CYYR1: variants seen among roughly 807,000 people sequenced by gnomAD.
CYYR1 encodes the protein cysteine and tyrosine-rich protein 1.
Under a neutral mutation model 15.2 loss-of-function variants are expected in CYYR1, and 14 were observed. That is an observed-to-expected ratio of 0.92 (90% confidence interval 0.61 to 1.44). The LOEUF is 1.44. Among genes scored for constraint, CYYR1 ranks in the 40% most tolerant of loss-of-function variants. The pLI is 0.00. For synonymous variants in CYYR1, 80 were observed against 77.4 expected (o/e 1.03, Z -0.18); for missense variants, 228 against 209.5 (o/e 1.09, Z -0.54).
intron 2 of CYYR1, among the ~76,000 whole-genome samples, chr21:26,503,952 T>C (rs2065517286): frequency 6.6e-6 from 1 of 152,182 alleles, no homozygotes; most frequent in African/African-American, 2.4e-5. Context: ...TTACGTATAT[T>C]TTGAACTCTA....
At chr21:26,468,706 G>T in intron 3 of CYYR1, 72 bp from the exon 4 acceptor site, 1 of 1,182,462 alleles carries the variant, frequency 8.5e-7, no homozygotes. Context: ...GAAGCCACTG[G>T]GCTAGATACT....
At chr21:26,499,873 G>A (rs2065456822) in intron 2 of CYYR1, among the ~76,000 whole-genome samples, 1 of 150,932 alleles carries the variant, frequency 6.6e-6, no homozygotes, top group African/African-American at 2.4e-5. Flanking sequence ...GTCTATGGTA[G>A]TGCAGGGAGA....
Position 26,553,372 on chromosome 21 carries a change from A to C in CYYR1, c.176+12894T>G, listed in dbSNP as rs551405318. ...CCTCAGCTTCTTAGATCTGTAATTT[A>C]TTTCTTTCACCAAACTTGGGATTTT... On this transcript the variant is annotated intron_variant, in intron 2 of 3. Coordinates refer to ENST00000652641, the MANE Select transcript of CYYR1 (RefSeq NM_001320768.2). Among the ~76,000 whole-genome samples, 5 of 152,048 alleles carry C rather than the reference A, an allele frequency of 3.3e-5. No individual in the cohort carries two copies. The East Asian group carries it at 5.8e-4, about 18-fold the overall frequency.
chr21:26,549,512 T>G (rs1484850320), intron 2 of CYYR1, among the ~76,000 whole-genome samples: 4 of 152,190 alleles, frequency 2.6e-5, no homozygotes, highest in Non-Finnish European at 1.5e-5. Flanking sequence ...ATCACAAAAT[T>G]TAATGATCAA....
At chr21:26,470,369 G>C (rs1267888915) in intron 3 of CYYR1, among the ~76,000 whole-genome samples, 2 of 152,094 alleles carry the variant, frequency 1.3e-5, no homozygotes, top group East Asian at 3.9e-4. Flanking sequence ...ATATGGTTTG[G>C]CTCTGTGTCC....
intron 2 of CYYR1, among the ~76,000 whole-genome samples, chr21:26,546,541 TG>T (rs1297096983): frequency 6.6e-6 from 1 of 152,218 alleles, no homozygotes; most frequent in Non-Finnish European, 1.5e-5. Flanking sequence ...TTATGACCTA[TG>T]TACTAAATGC....
At chr21:26,516,835 G>A (rs1340614848) in intron 2 of CYYR1, among the ~76,000 whole-genome samples, 1 of 152,034 alleles carries the variant, frequency 6.6e-6, no homozygotes, top group African/African-American at 2.4e-5. Context: ...TTCACTGGGG[G>A]CCGGGCGCGG....
At chr21:26,496,015 C>T (rs1360959592) in intron 2 of CYYR1, among the ~76,000 whole-genome samples, 1 of 152,114 alleles carries the variant, frequency 6.6e-6, no homozygotes, top group African/African-American at 2.4e-5. Flanking sequence ...AGGGCCAAAC[C>T]CATTTTGTCT....
chr21:26,566,735 CA>C (rs1322564310), intron 1 of CYYR1, among the ~76,000 whole-genome samples: 2 of 152,110 alleles, frequency 1.3e-5, no homozygotes, highest in Non-Finnish European at 2.9e-5. Context: ...CTTGGCCAGG[CA>C]AAATGGCTCA....
At chr21:26,562,799 A>AAC (rs57351372) in intron 2 of CYYR1, among the ~76,000 whole-genome samples, 9,733 of 132,528 alleles carry the variant, frequency 0.073, 482 homozygotes, top group Admixed American at 0.14. Context: ...GACATACACA[A>AAC]ACACACACAC....
chr21:26,568,508 C>T (rs914295944), intron 1 of CYYR1: 4 of 152,114 alleles, frequency 2.6e-5, no homozygotes, highest in African/African-American at 4.8e-5. Context: ...CTATAAGACT[C>T]CTAGAAGAAA....
intron 2 of CYYR1, among the ~76,000 whole-genome samples, chr21:26,494,098 A>G (rs553091502): frequency 8.9e-4 from 135 of 152,346 alleles, no homozygotes; most frequent in Non-Finnish European, 1.2e-3. Context: ...TGGATCAGAC[A>G]ATGCCCGAGG....
At chr21:26,495,065 A>G (rs766075507) in intron 2 of CYYR1, among the ~76,000 whole-genome samples, 8 of 152,246 alleles carry the variant, frequency 5.3e-5, no homozygotes, top group Non-Finnish European at 1.0e-4. Context: ...TTTCTACCAG[A>G]GGAGCAGAAA....
At chr21:26,486,926 T>C (rs1379576530) in intron 2 of CYYR1, among the ~76,000 whole-genome samples, 1 of 152,044 alleles carries the variant, frequency 6.6e-6, no homozygotes, top group Non-Finnish European at 1.5e-5. Context: ...ATTTATCTTC[T>C]TCTCGGATAC....
At chr21:26,520,928 AG>A (rs2065796913) in intron 2 of CYYR1, among the ~76,000 whole-genome samples, 2 of 152,234 alleles carry the variant, frequency 1.3e-5, no homozygotes, top group Admixed American at 6.5e-5. Context: ...AAACTGATGC[AG>A]GAACAGAAAA....
rs147051546 is a variant in CYYR1, at chr21:26,481,230, A to G, written c.177-801T>C. Among the ~76,000 whole-genome samples, 664 of 152,282 alleles carry G rather than the reference A, an allele frequency of 4.4e-3. 4 individuals carry two copies. Among genetic ancestry groups the G allele is most frequent in the African/African-American group, 0.016 (645 of 41,578 alleles). On this transcript the variant is annotated intron_variant, in intron 2 of 3. Coordinates refer to ENST00000652641, the MANE Select transcript of CYYR1 (RefSeq NM_001320768.2). ...AAAATATAAATTTTGACCAAGAAGC[A>G]TCATTTTTAGCAATGCTCCCTAAGG...
chr21:26,519,737 T>C (rs1260784910), intron 2 of CYYR1, among the ~76,000 whole-genome samples: 1 of 152,116 alleles, frequency 6.6e-6, no homozygotes, highest in Non-Finnish European at 1.5e-5. Flanking sequence ...AAACAACAGA[T>C]GCTGGTGAGG....
intron 2 of CYYR1, among the ~76,000 whole-genome samples, chr21:26,492,565 C>A (rs931522561): frequency 6.6e-6 from 1 of 152,146 alleles, no homozygotes; most frequent in East Asian, 1.9e-4. Flanking sequence ...GAATGAATGA[C>A]AGAGACAGAT....
chr21:26,512,528 G>A (rs1213355550), intron 2 of CYYR1, among the ~76,000 whole-genome samples: 2 of 152,048 alleles, frequency 1.3e-5, no homozygotes, highest in African/African-American at 4.8e-5. Flanking sequence ...GTGTCAGCAC[G>A]CTACATCCTA....
Sources: gnomAD v4.1 joint callset for allele counts (sites outside exome capture counted in the v4.1 genomes callset) on GRCh38, gnomAD v4.1.1 for gene constraint, MANE v1.5 for transcripts, NCBI Gene and HGNC (gene_info 2026-07-23, HGNC 2026-07-21) for gene names.